The following COPS7B variants were observed in gnomAD, a reference collection of about 807,000 sequenced individuals.
COPS7B encodes COP9 signalosome subunit 7B.
A neutral mutation model predicts 33.4 loss-of-function variants in COPS7B; 9 were observed. The ratio of observed to expected loss-of-function variants is 0.27; its 90% CI spans 0.16 to 0.47. The LOEUF (loss-of-function observed/expected upper bound fraction) is 0.47, where lower values mean the gene tolerates loss of function less well. Ranked by LOEUF, COPS7B falls within the 20% of genes least tolerant of loss-of-function variation. The probability of loss-of-function intolerance (pLI) is 0.99; values close to 1 mark genes in which losing one functional copy is unlikely to be tolerated. For synonymous variants in COPS7B, 119 were observed against 126.3 expected (o/e 0.94, Z 0.39); for missense variants, 242 against 318.2 (o/e 0.76, Z 1.82).
intron 1 of COPS7B, 96 bp from the exon 2 acceptor site, chr2:231,788,459 A>C: frequency 8.4e-7 from 1 of 1,187,730 alleles, no homozygotes; most frequent in East Asian, 2.4e-5. Flanking sequence ...TCAACACTAT[A>C]AAAGTAAAGT....
intron 6 of COPS7B, among the ~76,000 whole-genome samples, chr2:231,800,565 G>A (rs1289074790): frequency 6.6e-6 from 1 of 152,156 alleles, no homozygotes; most frequent in Non-Finnish European, 1.5e-5. Flanking sequence ...ATTATAAATA[G>A]CATCAGACAA....
At chr2:231,805,435 T>A (rs866574544) in intron 6 of COPS7B, among the ~76,000 whole-genome samples, 1,883 of 130,078 alleles carry the variant, frequency 0.014, 32 homozygotes, top group Non-Finnish European at 0.019. Flanking sequence ...ATATATATTT[T>A]TTTTTAAATT....
intron 6 of COPS7B, chr2:231,801,104 G>T: frequency 1.9e-6 from 3 of 1,547,404 alleles, no homozygotes; most frequent in Non-Finnish European, 2.6e-6. Context: ...TTTGTCAACT[G>T]ATTGGTGATC....
chr2:231,786,334 A>G, upstream of COPS7B: 1 of 602,386 alleles, frequency 1.7e-6, no homozygotes, highest in Non-Finnish European at 2.1e-6. Flanking sequence ...CGGAGGTCGA[A>G]GGCTGTAAAC....
chr2:231,781,985 C>A, upstream of COPS7B: 2 of 1,129,668 alleles, frequency 1.8e-6, no homozygotes, highest in Non-Finnish European at 2.6e-6. Flanking sequence ...GCGCCTTTTA[C>A]ATGTATTTCA....
At chr2:231,788,986 C>A in intron 2 of COPS7B, 1 of 369,432 alleles carries the variant, frequency 2.7e-6, no homozygotes, top group Non-Finnish European at 4.9e-6. Context: ...TCAAATTGAT[C>A]CTGATAAATT....
At chr2:231,789,626 C>T (rs930883943) in intron 2 of COPS7B, 1 of 151,882 alleles carries the variant, frequency 6.6e-6, no homozygotes, top group Non-Finnish European at 1.5e-5. Context: ...TGAGAGTGGC[C>T]CCGGAGTTCT....
At chr2:231,795,288 C>A (rs1279608631) in intron 4 of COPS7B, among the ~76,000 whole-genome samples, 1 of 152,136 alleles carries the variant, frequency 6.6e-6, no homozygotes, top group African/African-American at 2.4e-5. Flanking sequence ...GTCTCAACCC[C>A]CTGACTTCAA....
Position 231,798,054 on chromosome 2 carries a change from AT to A in COPS7B, c.531-801del, listed in dbSNP as rs572813545. On this transcript the variant is annotated intron_variant, in intron 5 of 6. Coordinates refer to ENST00000350033, the MANE Select transcript of COPS7B (RefSeq NM_022730.4). ...AGGCGTGTGCCACCAGGCCTGGCTA[AT>A]TTTGTATTTGTAGTAGAGACGGGGT... is the stretch of plus-strand genomic sequence containing the variant. 9.7e-4 allele frequency among the ~76,000 whole-genome samples: 146 copies of A among 150,744 alleles called. 1 individual carries two copies. Among genetic ancestry groups the A allele is most frequent in the African/African-American group, 3.4e-3 (140 of 41,034 alleles).
chr2:231,794,274 A>G lies in COPS7B; in HGVS notation c.250A>G (p.Ser84Gly), dbSNP rs138461825. ...GTGGGACTGAGCAGCCAACAAGGAGAGCCTGCCAGAACTGAGCACAGCTCA... is the reference window on the plus strand; with the variant it reads ...GTGGGACTGAGCAGCCAACAAGGAGGGCCTGCCAGAACTGAGCACAGCTCA... ...TYPDYIANKE[S>G]LPELSTAQQN... The change falls in exon 4 of 7, where the codon AGC becomes GGC. Residue 84 changes from serine to glycine, a missense_variant. By Grantham distance (56) the Ser-to-Gly change is moderately conservative. Transcript: ENST00000350033. The G allele has an allele frequency of 5.6e-6, 9 of 1,613,748 alleles. No individual in the cohort carries two copies. The African/African-American group carries it at 1.2e-4, about 22-fold the overall frequency.
intron 6 of COPS7B, among the ~76,000 whole-genome samples, chr2:231,802,888 T>G (rs1040491213): frequency 6.6e-6 from 1 of 152,242 alleles, no homozygotes; most frequent in African/African-American, 2.4e-5. Flanking sequence ...TTGAGCAAAG[T>G]GTCTCTGTAA....
Position 231,794,245 on chromosome 2 carries a change from G to A in COPS7B, c.239-18G>A. ...TTTATTTTGTGTCTTGATTTTTGTG[G>A]TGGGTGGGACTGAGCAGCCAACAAG... On this transcript the variant is annotated intron_variant, in intron 3 of 6. Transcript: ENST00000350033. 1 of 1,599,234 alleles carries A rather than the reference G, an allele frequency of 6.3e-7. No homozygotes were observed. The highest frequency in any genetic ancestry group is 8.5e-7 in the Non-Finnish European group (1 of 1,170,668).
At chr2:231,794,751 G>C (rs904654532) in intron 4 of COPS7B, among the ~76,000 whole-genome samples, 2 of 152,090 alleles carry the variant, frequency 1.3e-5, no homozygotes, top group Non-Finnish European at 2.9e-5. Flanking sequence ...GGACTTGCTA[G>C]ATTTTTTGTT....
At chr2:231,799,329 G>A (rs1029931923) in intron 6 of COPS7B, among the ~76,000 whole-genome samples, 4 of 152,038 alleles carry the variant, frequency 2.6e-5, no homozygotes, top group Non-Finnish European at 4.4e-5. Context: ...GGAGGGAGGG[G>A]TACAGCTGGG....
chr2:231,787,626 A>C (rs2049289708), intron 1 of COPS7B, among the ~76,000 whole-genome samples: 1 of 151,716 alleles, frequency 6.6e-6, no homozygotes. Context: ...TCGTATCAGG[A>C]GGAGGCCGAA....
At chr2:231,790,779 C>G (rs1281718745) in intron 2 of COPS7B, 1 of 147,942 alleles carries the variant, frequency 6.8e-6, no homozygotes, top group Non-Finnish European at 1.5e-5. Flanking sequence ...TCGCCCAGGC[C>G]GGACTGCGGA....
At chr2:231,792,830 T>A (rs2049456737) in intron 3 of COPS7B, among the ~76,000 whole-genome samples, 1 of 152,200 alleles carries the variant, frequency 6.6e-6, no homozygotes, top group Non-Finnish European at 1.5e-5. Flanking sequence ...TACCCTTTTT[T>A]AATGGTATGA....
At chr2:231,792,881 ACTT>A (rs1282568887) in intron 3 of COPS7B, among the ~76,000 whole-genome samples, 4 of 151,976 alleles carry the variant, frequency 2.6e-5, no homozygotes, top group African/African-American at 7.3e-5. Flanking sequence ...GATATCCCTG[ACTT>A]CTTCTTTCTC....
At chr2:231,799,590 C>CAGAT (rs1460509926) in intron 6 of COPS7B, among the ~76,000 whole-genome samples, 6 of 152,146 alleles carry the variant, frequency 3.9e-5, no homozygotes, top group African/African-American at 7.2e-5. Context: ...GCTTCTTGGA[C>CAGAT]AGATGTAGGC....
Sources: gnomAD v4.1 joint callset for allele counts (sites outside exome capture counted in the v4.1 genomes callset) on GRCh38, gnomAD v4.1.1 for gene constraint, MANE v1.5 for transcripts, NCBI Gene and HGNC (gene_info 2026-07-23, HGNC 2026-07-21) for gene names.